KIF1A: variants seen among roughly 807,000 people sequenced by gnomAD.
KIF1A encodes the protein kinesin-like protein KIF1A.
In KIF1A, 46 loss-of-function variants were observed where a neutral mutation model predicts 227.3. The ratio of observed to expected loss-of-function variants is 0.20; its 90% CI spans 0.16 to 0.26. The LOEUF is 0.26. KIF1A is among the 10% of genes least tolerant of loss of function. KIF1A has a pLI of 1.00. For synonymous variants in KIF1A, 1,022 were observed against 1,012.8 expected (o/e 1.01, Z -0.17); for missense variants, 1,683 against 2,485.9 (o/e 0.68, Z 6.87).
rs371711641 is a variant in KIF1A at position 240,788,228 on chromosome 2, A to G, written c.186T>C (p.Pro62=). 4.3e-6 allele frequency: 7 copies of G among 1,613,338 alleles called. No individual in the cohort carries two copies. Among genetic ancestry groups the G allele is most frequent in the Non-Finnish European group, 5.9e-6 (7 of 1,179,674 alleles). The change falls in exon 4 of 49, where the codon CCT becomes CCC. Residue 62 remains proline (P), a splice_region_variant and synonymous_variant. Transcript: ENST00000498729. The surrounding 1 kb of genome is among the most constrained non-coding windows in gnomAD (Gnocchi z 6.6). ...FDYSYWSHTS[P]EDINYASQKQ... The stretch of plus-strand genomic sequence containing the variant: ...TCTGCGACGCGTAGTTGATGTCCTC[A>G]GGCTGGAGGACGAGGAAGGAATGAA...
chr2:240,721,125 C>G, intron 44 of KIF1A, 87 bp from the exon 45 acceptor site: 1 of 1,531,568 alleles, frequency 6.5e-7, no homozygotes, highest in Non-Finnish European at 8.9e-7. Context: ...TGCGCTTACC[C>G]CACACCTGCT....
chr2:240,775,345 G>A lies in KIF1A; in HGVS notation c.958+506C>T, dbSNP rs2052592053. Among the ~76,000 whole-genome samples, 1 of 152,236 alleles carries A rather than the reference G, an allele frequency of 6.6e-6. No homozygotes were observed. The highest frequency in any genetic ancestry group is 1.5e-5 in the Non-Finnish European group (1 of 68,038). On this transcript the variant is annotated intron_variant, in intron 11 of 48. Coordinates refer to ENST00000498729, the MANE Select transcript of KIF1A (RefSeq NM_001244008.2). This position sits in a 1 kb window ranked among gnomAD's most constrained non-coding sequence, Gnocchi z 5.5. ...CTCTCCAGCTGTAAATGCAGTTGGG[G>A]AGGACTCTGAGGTTATTCCGGGATG...
intron 14 of KIF1A, 133 bp from the exon 15 acceptor site, chr2:240,771,237 G>A: frequency 9.1e-7 from 1 of 1,093,370 alleles, no homozygotes; most frequent in Non-Finnish European, 1.4e-6. Flanking sequence ...GAAAAAAGAT[G>A]AAGATGGGAA....
chr2:240,723,457 G>A lies in KIF1A; in HGVS notation c.4420C>T (p.Leu1474=). The A allele has an allele frequency of 6.4e-7, 1 of 1,552,056 alleles. No individual in the cohort carries two copies. The highest frequency in any genetic ancestry group is 1.7e-4 in the Middle Eastern group (1 of 5,856). The change falls in exon 42 of 49, where the codon CTG becomes TTG. Residue 1474 remains leucine, a synonymous_variant. Transcript: ENST00000498729. The part of the protein sequence containing the change: ...GWRPRSDSLI[L]DHQWELEKLS... ...TTCTCCAGCTCCCACTGGTGGTCCA[G>A]AATGAGACTGTCACTCCGGGGCCTC...
At chr2:240,795,328 A>G (rs2056239391) in intron 2 of KIF1A, among the ~76,000 whole-genome samples, 1 of 152,214 alleles carries the variant, frequency 6.6e-6, no homozygotes, top group Non-Finnish European at 1.5e-5. Context: ...GTCTCGCTTC[A>G]GGTTTCAATC....
rs1156460576 is a variant in KIF1A at position 240,736,745 on chromosome 2, G to A, written c.4007+318C>T. 6.6e-6 allele frequency among the ~76,000 whole-genome samples: 1 copy of A among 152,212 alleles called. No homozygotes were observed. The highest frequency in any genetic ancestry group is 1.5e-5 in the Non-Finnish European group (1 of 68,038). Reference sequence around the variant, plus strand: ...ATGGTCCTTGGACATACAGCCACTTGTCCCCACACCACGCAACCACAAAAC... The same window carrying A: ...ATGGTCCTTGGACATACAGCCACTTATCCCCACACCACGCAACCACAAAAC... On this transcript the variant is annotated intron_variant, in intron 38 of 48. Coordinates refer to ENST00000498729, the MANE Select transcript of KIF1A (RefSeq NM_001244008.2). This position sits in a 1 kb window ranked among gnomAD's most constrained non-coding sequence, Gnocchi z 4.7.
chr2:240,808,413 A>T (rs2057594246), intron 1 of KIF1A, among the ~76,000 whole-genome samples: 1 of 152,082 alleles, frequency 6.6e-6, no homozygotes, highest in Non-Finnish European at 1.5e-5. Flanking sequence ...AGTCCCAGCT[A>T]CCATGGAGGC....
At position 240,778,350 on chromosome 2, in the gene KIF1A, C is replaced by T. The variant is rs79015341; in HGVS notation, c.883-2424G>A. ...CCTCACCATTCTCCACACGCCAGTC[C>T]CCACCGTCCCTGACACACTCGCTCT... On this transcript the variant is annotated intron_variant, in intron 10 of 48. Coordinates refer to ENST00000498729, the MANE Select transcript of KIF1A (RefSeq NM_001244008.2). This position sits in a 1 kb window ranked among gnomAD's most constrained non-coding sequence, Gnocchi z 7.2. Among the ~76,000 whole-genome samples the T allele has an allele frequency of 0.015, 2,268 of 152,090 alleles. 63 individuals are homozygous for T. The highest frequency in any genetic ancestry group is 0.051 in the African/African-American group (2,119 of 41,452).
In KIF1A at chr2:240,717,094, C is replaced by A. The variant is rs1444604441; in HGVS notation, c.*270G>T. 2.0e-5 allele frequency: 9 copies of A among 440,550 alleles called. No individual in the cohort carries two copies. The highest frequency in any genetic ancestry group is 3.2e-5 in the Non-Finnish European group (8 of 248,554). The allele number at this position is 440,550 out of a possible 1,614,324, so 27.3% of individuals were successfully genotyped here. ...AAAATATTAGAACGGCAGCAAGAAC[C>A]CCCGTAACCTGTGCCCTTGGCCCCC... On this transcript the variant is annotated 3_prime_UTR_variant, in exon 49 of 49. Transcript: ENST00000498729.
At position 240,766,888 on chromosome 2, in the gene KIF1A, CG is replaced by C; in HGVS notation, c.1684+26del. On this transcript the variant is annotated intron_variant, in intron 19 of 48. Transcript: ENST00000498729. This position sits in a 1 kb window ranked among gnomAD's most constrained non-coding sequence, Gnocchi z 5.0. ...TCATCACGGCACAGGGGCATGGGTGCGGGTAGGGACGGTAGGGTGGTGATAC... is the reference window on the plus strand; with the variant it reads ...TCATCACGGCACAGGGGCATGGGTGCGGTAGGGACGGTAGGGTGGTGATAC... 1 of 1,502,548 alleles carries C rather than the reference CG, an allele frequency of 6.7e-7. No homozygotes were observed. The highest frequency in any genetic ancestry group is 9.2e-7 in the Non-Finnish European group (1 of 1,091,938). The allele number at this position is 1,502,548 out of a possible 1,614,324, so 93.1% of individuals were successfully genotyped here.
At chr2:240,782,691 T>A (rs576867574) in intron 9 of KIF1A, 84 bp from the exon 10 acceptor site, 1 of 1,386,984 alleles carries the variant, frequency 7.2e-7, no homozygotes, top group South Asian at 1.2e-5. Context: ...GCGGCCCGGC[T>A]GCCTCGCCCT....
At position 240,776,986 on chromosome 2, in the gene KIF1A, T is replaced by A. The variant is rs112096295; in HGVS notation, c.883-1060A>T. On this transcript the variant is annotated intron_variant, in intron 10 of 48. Transcript: ENST00000498729. Reference sequence around the variant, plus strand: ...GCAGCATAACTGACTGCTTTCTTTTTTCTTTGGAAACTTAGTAGGGACTAA... The same window carrying A: ...GCAGCATAACTGACTGCTTTCTTTTATCTTTGGAAACTTAGTAGGGACTAA... Among the ~76,000 whole-genome samples, 348 of 152,352 alleles carry A rather than the reference T, an allele frequency of 2.3e-3. 1 individual carries two copies. The highest frequency in any genetic ancestry group is 8.0e-3 in the African/African-American group (332 of 41,586).
chr2:240,743,058 ACAGGCCC>A, intron 33 of KIF1A, 74 bp from the exon 34 acceptor site: 1 of 1,242,302 alleles, frequency 8.0e-7, no homozygotes, highest in South Asian at 1.6e-5. Context: ...CAGAAGGGCT[ACAGGCCC>A]CAGGTGCCCA....
chr2:240,776,427 G>A (rs2052733996), intron 10 of KIF1A, among the ~76,000 whole-genome samples: 4 of 152,038 alleles, frequency 2.6e-5, no homozygotes, highest in African/African-American at 9.7e-5. Context: ...GAGTTCACCC[G>A]CCCTCTCCCC....
chr2:240,744,113 G>T, intron 32 of KIF1A, 53 bp from the exon 33 acceptor site: 1 of 1,199,496 alleles, frequency 8.3e-7, no homozygotes, highest in Non-Finnish European at 1.2e-6. Context: ...TCACATTCAA[G>T]GGGGAAGGAG....
At position 240,760,756 on chromosome 2, in the gene KIF1A, C is replaced by G. The variant is rs779330915; in HGVS notation, c.2353G>C (p.Glu785Gln). 6.2e-7 allele frequency: 1 copy of G among 1,602,136 alleles called. No homozygotes were observed. Among genetic ancestry groups the G allele is most frequent in the South Asian group, 1.1e-5 (1 of 89,088 alleles). ...ATGGTGCGGGGGAAGGGCCGCGTCT[C>G]TCGGTCTTTGGCGGCCTCTGGGGGC... ...LLPPEAAKDR[E>Q]TRPFPRTIVA... The change falls in exon 25 of 49, where the codon GAG (glutamate) becomes CAG (glutamine). Residue 785 changes from glutamate to glutamine, a missense_variant. This residue lies in a region of KIF1A where 759 missense variants were observed against 1,020.2 expected (regional missense o/e 0.74). Coordinates refer to ENST00000498729, the MANE Select transcript of KIF1A (RefSeq NM_001244008.2).
intron 38 of KIF1A, among the ~76,000 whole-genome samples, chr2:240,727,458 G>A (rs1379194847): frequency 1.3e-5 from 2 of 152,158 alleles, no homozygotes; most frequent in Non-Finnish European, 2.9e-5. Context: ...GGACCTGAAG[G>A]GGACCTGCCC....
chr2:240,782,678 C>G, intron 9 of KIF1A, 71 bp from the exon 10 acceptor site: 2 of 1,500,204 alleles, frequency 1.3e-6, no homozygotes, highest in South Asian at 1.2e-5. Context: ...GGCGGAAGAG[C>G]AGGCGGCCCG....
chr2:240,758,451 C>T lies in KIF1A; in HGVS notation c.2491G>A (p.Val831Met), dbSNP rs746223038. 1.9e-5 allele frequency: 31 copies of T among 1,610,974 alleles called. No individual in the cohort carries two copies. The highest frequency in any genetic ancestry group is 1.8e-5 in the Non-Finnish European group (21 of 1,178,532). ...MREMYDRAAE[V>M]PSSVIEDCDN... ...CAGTCCTCGATGACACTGGAGGGCA[C>T]CTCTGCAGCGCGGTCGTACATCTCC... Residue 831 changes from valine (V) to methionine (M), a missense_variant, in exon 26 of 49, where the codon GTG (valine) becomes ATG (methionine). Physicochemically the swap from Val to Met is conservative, Grantham distance 21 (BLOSUM62 1). Coordinates refer to ENST00000498729, the MANE Select transcript of KIF1A (RefSeq NM_001244008.2). The surrounding 1 kb of genome is among the most constrained non-coding windows in gnomAD (Gnocchi z 5.2).
Sources: gnomAD v4.1 joint callset for allele counts (sites outside exome capture counted in the v4.1 genomes callset) on GRCh38, gnomAD v4.1.1 for gene constraint, gnomAD v4.1.1 regional missense constraint, Gnocchi (gnomAD v3.1) non-coding constraint, MANE v1.5 for transcripts, NCBI Gene and HGNC (gene_info 2026-07-23, HGNC 2026-07-21) for gene names.